Variants in TBL1XR1 observed in about 807,000 individuals in gnomAD.
TBL1XR1 encodes F-box-like/WD repeat-containing protein TBL1XR1.
TBL1XR1 carries 5 observed loss-of-function variants against 66.9 expected under a neutral mutation model. The ratio of observed to expected loss-of-function variants is 0.07; its 90% CI spans 0.04 to 0.16. The LOEUF (loss-of-function observed/expected upper bound fraction) is 0.16. Among genes scored for constraint, TBL1XR1 ranks in the 10% least tolerant of loss-of-function variants. The pLI is 1.00. For synonymous variants in TBL1XR1, 210 were observed against 206.0 expected (o/e 1.02, Z -0.17); for missense variants, 238 against 623.2 (o/e 0.38, Z 6.58).
At chr3:177,075,938 G>C (rs1395910897) in intron 2 of TBL1XR1, among the ~76,000 whole-genome samples, 1 of 152,002 alleles carries the variant, frequency 6.6e-6, no homozygotes, top group African/African-American at 2.4e-5. Context: ...AGCTTCCTTG[G>C]TGTCTTAGTC....
intron 1 of TBL1XR1, among the ~76,000 whole-genome samples, chr3:177,149,138 C>T (rs1438610438): frequency 8.5e-5 from 13 of 152,178 alleles, no homozygotes; most frequent in African/African-American, 1.4e-4. Flanking sequence ...ATGATGGCAA[C>T]AGCCAATGCT....
At chr3:177,142,553 A>C (rs1359176591) in intron 1 of TBL1XR1, among the ~76,000 whole-genome samples, 3 of 152,196 alleles carry the variant, frequency 2.0e-5, no homozygotes, top group Non-Finnish European at 1.5e-5. Context: ...CACCTGGTGC[A>C]AAGTCCAAGC....
rs769956144 is a variant in TBL1XR1 at position 177,026,366 on chromosome 3, T to C, written c.1518+7A>G. On this transcript the variant is annotated splice_region_variant and intron_variant, in intron 15 of 15. Coordinates refer to ENST00000457928, the MANE Select transcript of TBL1XR1 (RefSeq NM_024665.7). ...CACCCTCTTTGGAAACACTTTACTATACTTACTGAACCATCTGATGCACTG... is the reference window on the plus strand; with the variant it reads ...CACCCTCTTTGGAAACACTTTACTACACTTACTGAACCATCTGATGCACTG... 1.9e-6 allele frequency: 3 copies of C among 1,610,728 alleles called. No homozygotes were observed. Among genetic ancestry groups the C allele is most frequent in the East Asian group, 2.2e-5 (1 of 44,820 alleles).
chr3:177,144,344 T>C (rs1444189589), intron 1 of TBL1XR1, among the ~76,000 whole-genome samples: 2 of 152,168 alleles, frequency 1.3e-5, no homozygotes, highest in African/African-American at 4.8e-5. Context: ...TAAAGAATCG[T>C]TCTCCATCTT....
intron 2 of TBL1XR1, among the ~76,000 whole-genome samples, chr3:177,069,877 A>G (rs1719739802): frequency 6.6e-6 from 1 of 151,644 alleles, no homozygotes; most frequent in South Asian, 2.1e-4. Context: ...CAAATCAATT[A>G]TTCATTAGTT....
intron 1 of TBL1XR1, among the ~76,000 whole-genome samples, chr3:177,192,809 C>T (rs191905458): frequency 6.6e-6 from 1 of 152,196 alleles, no homozygotes; most frequent in African/African-American, 2.4e-5. Context: ...CTAACTGGAT[C>T]TTCTTAACTC....
At chr3:177,133,991 T>C (rs922814715) in intron 1 of TBL1XR1, among the ~76,000 whole-genome samples, 5 of 152,042 alleles carry the variant, frequency 3.3e-5, no homozygotes, top group Admixed American at 3.3e-4. Flanking sequence ...CTGCACAGTC[T>C]TGGGGTTTTC....
chr3:177,028,167 T>C (rs1170389314), intron 14 of TBL1XR1, among the ~76,000 whole-genome samples: 1 of 152,140 alleles, frequency 6.6e-6, no homozygotes, highest in Non-Finnish European at 1.5e-5. Flanking sequence ...TTCTACAATT[T>C]ACTCATCAAA....
chr3:177,170,246 G>T (rs1407882219), intron 1 of TBL1XR1, among the ~76,000 whole-genome samples: 1 of 152,016 alleles, frequency 6.6e-6, no homozygotes. Flanking sequence ...AGCCTCTCAT[G>T]ACCTGGGATC....
intron 3 of TBL1XR1, among the ~76,000 whole-genome samples, chr3:177,061,309 TA>T (rs1044859313): frequency 6.6e-5 from 10 of 152,180 alleles, no homozygotes; most frequent in African/African-American, 2.2e-4. Context: ...GATAGTATCT[TA>T]TAGTATTGAC....
intron 2 of TBL1XR1, among the ~76,000 whole-genome samples, chr3:177,074,560 T>C (rs1720446740): frequency 6.6e-6 from 1 of 152,164 alleles, no homozygotes; most frequent in Non-Finnish European, 1.5e-5. Context: ...CCTTGACAAC[T>C]TCCTCATCCC....
intron 1 of TBL1XR1, among the ~76,000 whole-genome samples, chr3:177,112,097 ATATATATATATTTTT>A (rs1214079977): frequency 4.0e-5 from 2 of 50,066 alleles, no homozygotes; most frequent in African/African-American, 2.4e-4. Context: ...ATATATATAT[ATATATATATATTTTT>A]TTTTTTTTTT....
chr3:177,131,502 C>T, intron 1 of TBL1XR1: 2 of 469,822 alleles, frequency 4.3e-6, no homozygotes, highest in Non-Finnish European at 5.4e-6. Flanking sequence ...CATTGTCATT[C>T]TGAATATCTT....
intron 1 of TBL1XR1, among the ~76,000 whole-genome samples, chr3:177,135,307 CTGTG>C (rs376418228): frequency 0.084 from 6,074 of 72,676 alleles, 504 homozygotes; most frequent in South Asian, 0.23. Context: ...AGGCCGCACT[CTGTG>C]TGTGTGTGTG....
chr3:177,059,420 C>A (rs1487293994), intron 3 of TBL1XR1, among the ~76,000 whole-genome samples: 1 of 152,138 alleles, frequency 6.6e-6, no homozygotes, highest in African/African-American at 2.4e-5. Context: ...TAATGTTATA[C>A]ATAAAGGTTA....
chr3:177,067,280 T>A (rs992093194), intron 2 of TBL1XR1, among the ~76,000 whole-genome samples: 1 of 152,248 alleles, frequency 6.6e-6, no homozygotes, highest in Non-Finnish European at 1.5e-5. Flanking sequence ...AACTATTTTA[T>A]TTTTAGGATT....
intron 14 of TBL1XR1, among the ~76,000 whole-genome samples, chr3:177,029,762 T>C (rs1241823307): frequency 6.6e-6 from 1 of 152,188 alleles, no homozygotes; most frequent in African/African-American, 2.4e-5. Context: ...GAATGCATAA[T>C]GAACACTAAT....
chr3:177,114,081 A>C (rs1013641416), intron 1 of TBL1XR1, among the ~76,000 whole-genome samples: 14 of 152,316 alleles, frequency 9.2e-5, no homozygotes, highest in African/African-American at 3.1e-4. Context: ...AATTTGACTA[A>C]AGTTAAAAAT....
In TBL1XR1 at chr3:177,038,084, A is replaced by G. The variant is rs752624382; in HGVS notation, c.1122+14T>C. Reference sequence around the variant, plus strand: ...TGACACCGCCAACCCATTTCTCCCTACTAAGCAAATTACCTTTAAAGTCAT... The same window carrying G: ...TGACACCGCCAACCCATTTCTCCCTGCTAAGCAAATTACCTTTAAAGTCAT... On this transcript the variant is annotated intron_variant, in intron 12 of 15. Transcript: ENST00000457928. 1.9e-6 allele frequency: 3 copies of G among 1,611,394 alleles called. No individual in the cohort carries two copies. In the East Asian group the frequency reaches 6.7e-5, roughly 36 times the overall value.
Sources: gnomAD v4.1 joint callset for allele counts (sites outside exome capture counted in the v4.1 genomes callset) on GRCh38, gnomAD v4.1.1 for gene constraint, MANE v1.5 for transcripts, NCBI Gene and HGNC (gene_info 2026-07-23, HGNC 2026-07-21) for gene names.